Variants in LNX2 observed in about 807,000 individuals in gnomAD.
LNX2 encodes the protein ligand of Numb protein X 2.
Under a neutral mutation model 66.2 loss-of-function variants are expected in LNX2, and 35 were observed. That is an observed-to-expected ratio of 0.53 (90% CI 0.40 to 0.70). The LOEUF (loss-of-function observed/expected upper bound fraction) is 0.70. Ranked by LOEUF, LNX2 falls within the 30% of genes least tolerant of loss-of-function variation. The probability of loss-of-function intolerance (pLI) is 0.00; values close to 1 mark genes in which losing one functional copy is unlikely to be tolerated. For missense variants in LNX2, 791 were observed against 850.8 expected (o/e 0.93, Z 0.87); for synonymous variants, 337 against 315.6 (o/e 1.07, Z -0.72).
At chr13:27,597,057 T>C (rs780484089) in intron 1 of LNX2, among the ~76,000 whole-genome samples, 4 of 152,186 alleles carry the variant, frequency 2.6e-5, no homozygotes, top group Non-Finnish European at 5.9e-5. Flanking sequence ...TATCATTAGA[T>C]TACTACTACA....
At chr13:27,580,230 G>T (rs1593250891) in intron 2 of LNX2, among the ~76,000 whole-genome samples, 1 of 152,152 alleles carries the variant, frequency 6.6e-6, no homozygotes, top group Non-Finnish European at 1.5e-5. Flanking sequence ...TAGTAAACAA[G>T]AACAGTAAAG....
intron 1 of LNX2, among the ~76,000 whole-genome samples, chr13:27,619,897 G>A (rs1955874365): frequency 6.6e-6 from 1 of 152,166 alleles, no homozygotes; most frequent in South Asian, 2.1e-4. Flanking sequence ...ACAGGCAACA[G>A]GCTGGGGCGG....
rs143629794 is a variant in LNX2 at position 27,560,859 on chromosome 13, A to G, written c.1225-874T>C. Among the ~76,000 whole-genome samples the G allele has an allele frequency of 3.3e-3, 502 of 152,100 alleles. 2 individuals are homozygous for G. The highest frequency in any genetic ancestry group is 0.012 in the African/African-American group (478 of 41,422). The stretch of plus-strand genomic sequence containing the variant: ...TTAAAGAAATTGTGGTACAAAGTGG[A>G]GACCTCTCCCATGATTATAGTCAAT... On this transcript the variant is annotated intron_variant, in intron 5 of 9. Transcript: ENST00000316334.
At chr13:27,583,273 C>T (rs57104715) in intron 1 of LNX2, among the ~76,000 whole-genome samples, 16,888 of 54,312 alleles carry the variant, frequency 0.31, 6,079 homozygotes, top group African/African-American at 0.55. Flanking sequence ...TCCTCTCCAA[C>T]ATACTTATTT....
chr13:27,560,023 T>C lies in LNX2; in HGVS notation c.1225-38A>G, dbSNP rs2138335078. Reference sequence around the variant, plus strand: ...CAAATACATTACCATAAGTGACTAATGATGTTTGTCATTTTAAAGATTACA... The same window carrying C: ...CAAATACATTACCATAAGTGACTAACGATGTTTGTCATTTTAAAGATTACA... On this transcript the variant is annotated intron_variant, in intron 5 of 9. Transcript: ENST00000316334. 3 of 1,505,792 alleles carry C rather than the reference T, an allele frequency of 2.0e-6. No homozygotes were observed. In the East Asian group the frequency reaches 7.1e-5, roughly 35 times the overall value. The allele number at this position is 1,505,792 out of a possible 1,614,324, so 93.3% of individuals were successfully genotyped here. A position where few individuals can be genotyped will look rare whatever the true frequency, so the allele number is the denominator to read the frequency against.
intron 2 of LNX2, among the ~76,000 whole-genome samples, chr13:27,580,485 C>G (rs143036136): frequency 1.9e-3 from 295 of 152,234 alleles, no homozygotes; most frequent in Middle Eastern, 3.4e-3. Context: ...AAATTAGAAA[C>G]CAGTATTTAT....
chr13:27,618,348 T>C (rs1258630914), intron 1 of LNX2, among the ~76,000 whole-genome samples: 2 of 152,212 alleles, frequency 1.3e-5, no homozygotes, highest in Admixed American at 6.5e-5. Context: ...AACTCTGAGA[T>C]GACAAACCTA....
At chr13:27,595,391 C>A (rs980720344) in intron 1 of LNX2, among the ~76,000 whole-genome samples, 5 of 152,174 alleles carry the variant, frequency 3.3e-5, no homozygotes, top group Non-Finnish European at 7.3e-5. Flanking sequence ...AGGCAGAAAC[C>A]AAGTCTTAGT....
At position 27,546,001 on chromosome 13, in the gene LNX2, G is replaced by A. The variant is rs1451520900; in HGVS notation, c.*2334C>T. On this transcript the variant is annotated 3_prime_UTR_variant, in exon 10 of 10. Transcript: ENST00000316334. ...AAATCCTGAAATAATTTAAACTGAA[G>A]GCACAGAACAAACCAAAATATTTAA... The A allele has an allele frequency of 6.6e-6, 1 of 152,162 alleles. No homozygotes were observed. The highest frequency in any genetic ancestry group is 2.4e-5 in the African/African-American group (1 of 41,428). The allele number at this position is 152,162 out of a possible 1,614,324, so 9.4% of individuals were successfully genotyped here.
chr13:27,618,947 AG>A (rs1235638607), intron 1 of LNX2, among the ~76,000 whole-genome samples: 1 of 152,264 alleles, frequency 6.6e-6, no homozygotes, highest in Non-Finnish European at 1.5e-5. Context: ...AAATTACTTC[AG>A]GGTAACTAGT....
At chr13:27,592,813 A>G (rs1461293364) in intron 1 of LNX2, among the ~76,000 whole-genome samples, 5 of 152,206 alleles carry the variant, frequency 3.3e-5, no homozygotes. Flanking sequence ...CCGAGGAAGA[A>G]GAAATAATCA....
intron 3 of LNX2, among the ~76,000 whole-genome samples, chr13:27,568,821 T>C (rs1456856367): frequency 3.3e-5 from 5 of 152,194 alleles, no homozygotes. Flanking sequence ...GTAAGATTTG[T>C]GATTTGTTTC....
In LNX2 at chr13:27,553,344, C is replaced by T. The variant is rs148125146; in HGVS notation, c.1642G>A (p.Val548Ile). ...MLKASAASPA[V>I]ALKALEVQIV... ...TGGACCTCAAGTGCTTTAAGGGCAA[C>T]AGCAGGGGACGCGGCACTGGCTTTC... is the stretch of plus-strand genomic sequence containing the variant. The change falls in exon 8 of 10, where the codon GTT (valine) becomes ATT (isoleucine). Residue 548 changes from valine to isoleucine, a missense_variant. Coordinates refer to ENST00000316334, the MANE Select transcript of LNX2 (RefSeq NM_153371.4). 10 of 1,614,150 alleles carry T rather than the reference C, an allele frequency of 6.2e-6. No homozygotes were observed. Among genetic ancestry groups the T allele is most frequent in the Non-Finnish European group, 8.5e-6 (10 of 1,180,032 alleles).
intron 9 of LNX2, 60 bp from the exon 10 acceptor site, chr13:27,548,530 A>G (rs181314311): frequency 7.1e-6 from 11 of 1,541,520 alleles, no homozygotes; most frequent in African/African-American, 1.4e-5. Flanking sequence ...AAATATCCCA[A>G]TTGAGATTTA....
At position 27,617,870 on chromosome 13, in the gene LNX2, A is replaced by T. The variant is rs562412189; in HGVS notation, c.-101+2505T>A. 2.0e-5 allele frequency among the ~76,000 whole-genome samples: 3 copies of T among 152,296 alleles called. No individual in the cohort carries two copies. In the East Asian group the frequency reaches 5.8e-4, roughly 29 times the overall value. ...CAATTGTTTTTAACTGCTCCTTCTCATATCCTCCAACATTCCACTAGCTCA... is the reference window on the plus strand; with the variant it reads ...CAATTGTTTTTAACTGCTCCTTCTCTTATCCTCCAACATTCCACTAGCTCA... On this transcript the variant is annotated intron_variant, in intron 1 of 9. Transcript: ENST00000316334.
Position 27,556,336 on chromosome 13 carries a change from G to A in LNX2, c.1446C>T (p.Thr482=), listed in dbSNP as rs115119970. 4,028 of 1,613,920 alleles carry A rather than the reference G, an allele frequency of 2.5e-3. 49 individuals are homozygous for A. The African/African-American group carries it at 0.032, about 13-fold the overall frequency. Residue 482 remains threonine, a synonymous_variant, in exon 7 of 10, where the codon ACC becomes ACT. Coordinates refer to ENST00000316334, the MANE Select transcript of LNX2 (RefSeq NM_153371.4). ...KKEPHESLGM[T]VAGGRGSKSG... ...TCTTACTTCCCCTGCCCCCAGCAAC[G>A]GTCATGCCAAGGGATTCATGTGGTT...
chr13:27,593,838 T>C (rs558992572), intron 1 of LNX2, among the ~76,000 whole-genome samples: 1 of 151,312 alleles, frequency 6.6e-6, no homozygotes, highest in East Asian at 1.9e-4. Context: ...TCAAGCGATC[T>C]GCCTGCCTCT....
intron 2 of LNX2, among the ~76,000 whole-genome samples, chr13:27,571,316 T>C (rs994749475): frequency 2.0e-5 from 3 of 152,182 alleles, no homozygotes; most frequent in Non-Finnish European, 4.4e-5. Context: ...CCAAAAAGTG[T>C]TGGTAGACTT....
chr13:27,585,876 A>G (rs989429897), intron 1 of LNX2, among the ~76,000 whole-genome samples: 24 of 151,978 alleles, frequency 1.6e-4, no homozygotes, highest in African/African-American at 5.8e-4. Context: ...AAATCTCTAA[A>G]TAACTTCAGT....
Sources: gnomAD v4.1 joint callset for allele counts (sites outside exome capture counted in the v4.1 genomes callset) on GRCh38, gnomAD v4.1.1 for gene constraint, MANE v1.5 for transcripts, NCBI Gene and HGNC (gene_info 2026-07-23, HGNC 2026-07-21) for gene names.